The following CHMP4B variants were observed in gnomAD, a reference collection of about 807,000 sequenced individuals.
CHMP4B encodes the protein charged multivesicular body protein 4B.
CHMP4B carries 1 observed loss-of-function variant against 25.1 expected under a neutral mutation model. The observed-to-expected ratio is 0.04, with a 90% CI of 0.01 to 0.19. CHMP4B has a LOEUF of 0.19. Ranked by LOEUF, CHMP4B falls within the 10% of genes least tolerant of loss-of-function variation. The pLI is 1.00. For synonymous variants in CHMP4B, 101 were observed against 115.6 expected, an observed-to-expected ratio of 0.87 and a Z score of 0.81; for missense variants, 151 against 289.7, an observed-to-expected ratio of 0.52 and a Z score of 3.48.
chr20:33,821,125 G>A (rs574271347), intron 1 of CHMP4B, among the ~76,000 whole-genome samples: 1 of 152,174 alleles, frequency 6.6e-6, no homozygotes, highest in African/African-American at 2.4e-5. Flanking sequence ...GGTGGCTCAC[G>A]CCTGTAATCC....
At chr20:33,840,406 T>C (rs1979506113) in intron 1 of CHMP4B, among the ~76,000 whole-genome samples, 1 of 151,962 alleles carries the variant, frequency 6.6e-6, no homozygotes, top group African/African-American at 2.4e-5. Context: ...ATTATCTTTC[T>C]CGTCTGTCCT....
At chr20:33,815,620 A>AGATGT (rs1355060159) in intron 1 of CHMP4B, among the ~76,000 whole-genome samples, 1 of 152,252 alleles carries the variant, frequency 6.6e-6, no homozygotes, top group Admixed American at 6.5e-5. Context: ...CCATGAAGTA[A>AGATGT]GATGTGATGG....
intron 1 of CHMP4B, among the ~76,000 whole-genome samples, chr20:33,845,579 T>C (rs1344329797): frequency 6.6e-6 from 1 of 152,066 alleles, no homozygotes; most frequent in Non-Finnish European, 1.5e-5. Flanking sequence ...CACCTCGGCC[T>C]CCCAAAGTGG....
intron 2 of CHMP4B, 127 bp downstream of exon 2, chr20:33,848,771 C>A: frequency 2.0e-6 from 2 of 1,017,850 alleles, no homozygotes; most frequent in Non-Finnish European, 1.5e-6. Flanking sequence ...TGTTTTAATT[C>A]TCATTCTTTT....
chr20:33,819,468 A>C (rs1036714459), intron 1 of CHMP4B, among the ~76,000 whole-genome samples: 1 of 152,192 alleles, frequency 6.6e-6, no homozygotes. Flanking sequence ...CTTCTTAAAG[A>C]GTCTTAGCTG....
chr20:33,823,737 G>A (rs995456658), intron 1 of CHMP4B, among the ~76,000 whole-genome samples: 2 of 152,150 alleles, frequency 1.3e-5, no homozygotes, highest in African/African-American at 4.8e-5. Flanking sequence ...AGCCAATAGG[G>A]TTGCACGATA....
At chr20:33,846,377 G>A (rs1390151340) in intron 1 of CHMP4B, among the ~76,000 whole-genome samples, 1 of 152,226 alleles carries the variant, frequency 6.6e-6, no homozygotes, top group Non-Finnish European at 1.5e-5. Flanking sequence ...TGGTGTGACT[G>A]CATGATGGGT....
intron 1 of CHMP4B, among the ~76,000 whole-genome samples, chr20:33,845,364 C>G (rs952470771): frequency 6.6e-6 from 1 of 151,416 alleles, no homozygotes; most frequent in African/African-American, 2.4e-5. Flanking sequence ...GCTCTGTTGC[C>G]CAGGCTGGAG....
At chr20:33,833,483 A>G (rs79841581) in intron 1 of CHMP4B, among the ~76,000 whole-genome samples, 2,656 of 152,074 alleles carry the variant, frequency 0.017, 80 homozygotes, top group African/African-American at 0.06. Flanking sequence ...CACCCTCTGG[A>G]TTATTGCAGT....
intron 1 of CHMP4B, among the ~76,000 whole-genome samples, chr20:33,815,589 C>T (rs1978761403): frequency 6.6e-6 from 1 of 152,196 alleles, no homozygotes; most frequent in Non-Finnish European, 1.5e-5. Flanking sequence ...AACCGCTCAG[C>T]ATCCCCTGAA....
intron 1 of CHMP4B, among the ~76,000 whole-genome samples, chr20:33,836,890 C>A (rs189368336): frequency 1.3e-5 from 2 of 152,276 alleles, no homozygotes; most frequent in East Asian, 3.9e-4. Context: ...TAATTCATTT[C>A]TCTTGGGCTA....
chr20:33,823,331 T>C (rs1324819531), intron 1 of CHMP4B, among the ~76,000 whole-genome samples: 1 of 152,050 alleles, frequency 6.6e-6, no homozygotes, highest in Admixed American at 6.6e-5. Flanking sequence ...TCTAGCTCTG[T>C]GACTTGGGGA....
chr20:33,818,950 C>T (rs1201185475), intron 1 of CHMP4B, among the ~76,000 whole-genome samples: 2 of 151,778 alleles, frequency 1.3e-5, no homozygotes, highest in Non-Finnish European at 2.9e-5. Flanking sequence ...TGCTCTGTTG[C>T]CCAGGCTGGA....
rs372091130 is a variant in CHMP4B at position 33,826,706 on chromosome 20, T to G, written c.190+15048T>G. ...CTCCCAATTCCCCTTCTGCTTTATT[T>G]GAAGTCCAGCCATTCTGGGCAGCTT... On this transcript the variant is annotated intron_variant, in intron 1 of 4. Coordinates refer to ENST00000217402, the MANE Select transcript of CHMP4B (RefSeq NM_176812.5). Among the ~76,000 whole-genome samples, 19 of 152,326 alleles carry G rather than the reference T, an allele frequency of 1.2e-4. No homozygotes were observed. The East Asian group carries it at 3.1e-3, about 25-fold the overall frequency.
chr20:33,851,099 A>C, intron 3 of CHMP4B, 33 bp downstream of exon 3: 1 of 1,286,266 alleles, frequency 7.8e-7, no homozygotes, highest in Non-Finnish European at 1.1e-6. Context: ...CATAAGCTTC[A>C]CAAATGATAC....
At chr20:33,849,069 C>T (rs1979767302) in intron 2 of CHMP4B, among the ~76,000 whole-genome samples, 1 of 152,132 alleles carries the variant, frequency 6.6e-6, no homozygotes, top group Admixed American at 6.5e-5. Context: ...TGTGGTTCAT[C>T]CAAGAGCTTT....
chr20:33,850,919 G>T (rs368007253), intron 2 of CHMP4B, 33 bp from the exon 3 acceptor site: 1 of 1,497,234 alleles, frequency 6.7e-7, no homozygotes, highest in South Asian at 1.1e-5. Flanking sequence ...CAGCCTAATC[G>T]ATTGATATGA....
chr20:33,837,571 AGG>A (rs1243309343), intron 1 of CHMP4B, among the ~76,000 whole-genome samples: 1 of 152,128 alleles, frequency 6.6e-6, no homozygotes, highest in African/African-American at 2.4e-5. Context: ...AAGGAGACGG[AGG>A]GTGAAGGTGT....
Position 33,811,353 on chromosome 20 carries a change from G to A in CHMP4B, c.-116G>A. ...GGGGCGGAGGCGGAGGCGGAGGAGA[G>A]GCCTGCGGCGGCAGGGAGCGGCGGG... On this transcript the variant is annotated 5_prime_UTR_variant, in exon 1 of 5. Coordinates refer to ENST00000217402, the MANE Select transcript of CHMP4B (RefSeq NM_176812.5). The A allele has an allele frequency of 1.2e-6, 1 of 862,596 alleles. No homozygotes were observed. The highest frequency in any genetic ancestry group is 1.5e-6 in the Non-Finnish European group (1 of 658,912). 53.4% of individuals were successfully genotyped at this position (862,596 alleles called of 1,614,324 possible). A position where few individuals can be genotyped will look rare whatever the true frequency, so the allele number is the denominator to read the frequency against.
Sources: gnomAD v4.1 joint callset for allele counts (sites outside exome capture counted in the v4.1 genomes callset) on GRCh38, gnomAD v4.1.1 for gene constraint, MANE v1.5 for transcripts, NCBI Gene and HGNC (gene_info 2026-07-23, HGNC 2026-07-21) for gene names.